The following RGS6 variants were observed in gnomAD, a reference collection of about 807,000 sequenced individuals.
The protein encoded by RGS6 is regulator of G-protein signaling 6.
A neutral mutation model predicts 78.5 loss-of-function variants in RGS6; 30 were observed. The ratio of observed to expected loss-of-function variants is 0.38; its 90% CI spans 0.29 to 0.52. The LOEUF (loss-of-function observed/expected upper bound fraction) is 0.52, where lower values mean the gene tolerates loss of function less well. Ranked by LOEUF, RGS6 falls within the 20% of genes least tolerant of loss-of-function variation. The pLI is 0.85. For missense variants in RGS6, 495 were observed against 609.7 expected (o/e 0.81, Z 1.98); for synonymous variants, 206 against 206.0 (o/e 1.00, Z 0.00).
In RGS6 at chr14:72,562,561, A is replaced by T. The variant is rs2097689794; in HGVS notation, c.*94A>T. 1.3e-6 allele frequency: 2 copies of T among 1,575,386 alleles called. No homozygotes were observed. Among genetic ancestry groups the T allele is most frequent in the South Asian group, 2.3e-5 (2 of 88,014 alleles). Reference sequence around the variant, plus strand: ...GCGGACAGAGTTTCCTTACGAGGAGACTTGGTCACTGTGAAGGAGAAAGAG... The same window carrying T: ...GCGGACAGAGTTTCCTTACGAGGAGTCTTGGTCACTGTGAAGGAGAAAGAG... On this transcript the variant is annotated 3_prime_UTR_variant, in exon 18 of 18. Coordinates refer to ENST00000553525, the MANE Select transcript of RGS6 (RefSeq NM_001204424.2).
chr14:72,336,164 GTGT>G (rs984812356), intron 2 of RGS6, among the ~76,000 whole-genome samples: 1 of 152,182 alleles, frequency 6.6e-6, no homozygotes, highest in African/African-American at 2.4e-5. Flanking sequence ...CTCAAATTGT[GTGT>G]TGTTCTAACT....
chr14:71,970,844 T>C (rs1007751590), intron 2 of RGS6, among the ~76,000 whole-genome samples: 1 of 151,968 alleles, frequency 6.6e-6, no homozygotes, highest in African/African-American at 2.4e-5. Context: ...AGAGGGGTCA[T>C]GTAGTCCATC....
chr14:72,583,827 G>A, the RGS6 span, among the ~76,000 whole-genome samples: 8 of 152,122 alleles, frequency 5.3e-5, no homozygotes, highest in Non-Finnish European at 1.0e-4. Context: ...AAAAATTCTG[G>A]AAGCCCACTC....
chr14:72,405,580 T>C (rs2092843159), intron 3 of RGS6, among the ~76,000 whole-genome samples: 1 of 152,168 alleles, frequency 6.6e-6, no homozygotes, highest in Non-Finnish European at 1.5e-5. Flanking sequence ...GTTGAGCGTT[T>C]AGACATGATG....
chr14:72,206,842 C>A (rs2042835577), intron 2 of RGS6, among the ~76,000 whole-genome samples: 1 of 80,382 alleles, frequency 1.2e-5, no homozygotes, highest in Non-Finnish European at 2.4e-5. Flanking sequence ...CACAGCCAAA[C>A]CATGTCATAT....
intron 2 of RGS6, among the ~76,000 whole-genome samples, chr14:72,005,439 C>CTCTATCTATCTATCTATCTATCTATCTA (rs148163713): frequency 0.03 from 4,290 of 143,590 alleles, 71 homozygotes; most frequent in East Asian, 0.047. Flanking sequence ...ACCTGCATAT[C>CTCTATCTATCTATCTATCTATCTATCTA]TCTATCTATC....
chr14:71,969,873 G>A (rs1178136267), intron 2 of RGS6, among the ~76,000 whole-genome samples: 1 of 152,080 alleles, frequency 6.6e-6, no homozygotes, highest in Non-Finnish European at 1.5e-5. Context: ...TCGTAAATTA[G>A]TACACTTCCC....
chr14:71,910,911 T>C, the RGS6 span, among the ~76,000 whole-genome samples: 4 of 152,172 alleles, frequency 2.6e-5, no homozygotes, highest in African/African-American at 9.7e-5. Context: ...TGTGGATCAA[T>C]GACACCTGAG....
intron 3 of RGS6, among the ~76,000 whole-genome samples, chr14:72,389,481 C>A (rs192455794): frequency 3.3e-5 from 5 of 152,270 alleles, no homozygotes; most frequent in African/African-American, 1.2e-4. Flanking sequence ...GGAAAATTAT[C>A]TGAGTTAATT....
At chr14:71,979,502 T>C (rs1431833181) in intron 2 of RGS6, among the ~76,000 whole-genome samples, 2 of 152,126 alleles carry the variant, frequency 1.3e-5, no homozygotes, top group African/African-American at 4.8e-5. Context: ...TCTTTATTTC[T>C]GCCTTCATTT....
At chr14:72,060,689 G>C (rs934205667) in intron 2 of RGS6, among the ~76,000 whole-genome samples, 3 of 152,172 alleles carry the variant, frequency 2.0e-5, no homozygotes, top group African/African-American at 4.8e-5. Flanking sequence ...TACAAAATTA[G>C]AAGCATTGCC....
At chr14:71,905,438 T>C in the RGS6 span, among the ~76,000 whole-genome samples, 1 of 152,196 alleles carries the variant, frequency 6.6e-6, no homozygotes, top group Non-Finnish European at 1.5e-5. Flanking sequence ...TGAAAATGTA[T>C]ACTTAAACAG....
chr14:72,569,250 T>C (rs1291910510), downstream of RGS6, among the ~76,000 whole-genome samples: 1 of 152,172 alleles, frequency 6.6e-6, no homozygotes, highest in Non-Finnish European at 1.5e-5. Flanking sequence ...TAACCCCCAC[T>C]GAAAATCAAA....
intron 2 of RGS6, among the ~76,000 whole-genome samples, chr14:71,995,608 G>A (rs1249417876): frequency 2.0e-5 from 3 of 152,180 alleles, no homozygotes; most frequent in Non-Finnish European, 4.4e-5. Flanking sequence ...TCGCCTCATA[G>A]GGGTGTTGAG....
At chr14:72,296,303 C>T (rs2064811360) in intron 2 of RGS6, among the ~76,000 whole-genome samples, 1 of 152,160 alleles carries the variant, frequency 6.6e-6, no homozygotes, top group African/African-American at 2.4e-5. Context: ...CATGAAAAGC[C>T]TTGTTCAAGG....
rs906770533 is a variant in RGS6 at position 72,140,834 on chromosome 14, G to A, written c.84+175959G>A. On this transcript the variant is annotated intron_variant, in intron 2 of 17. Transcript: ENST00000553525. ...GAATCTGAGGATGCGGGCAAGCCAG[G>A]CACAGAACTGTGAGGGTCCTTGCAA... Among the ~76,000 whole-genome samples the A allele has an allele frequency of 3.3e-5, 5 of 152,226 alleles. No individual in the cohort carries two copies. The South Asian group carries it at 1.0e-3, about 32-fold the overall frequency.
the RGS6 span, among the ~76,000 whole-genome samples, chr14:71,883,861 G>A: frequency 4.0e-5 from 6 of 151,086 alleles, no homozygotes; most frequent in Non-Finnish European, 8.9e-5. Context: ...CTAAAATGGG[G>A]AAGTATCCTA....
chr14:72,623,578 A>T, the RGS6 span, among the ~76,000 whole-genome samples: 1 of 152,212 alleles, frequency 6.6e-6, no homozygotes, highest in Non-Finnish European at 1.5e-5. Context: ...TCAAATGAGT[A>T]ATTATGTTGG....
At chr14:72,180,494 TCA>T (rs1445256597) in intron 2 of RGS6, among the ~76,000 whole-genome samples, 5 of 152,250 alleles carry the variant, frequency 3.3e-5, no homozygotes, top group African/African-American at 4.8e-5. Context: ...TGAGAAAATC[TCA>T]GTCTTGGGTT....
Sources: gnomAD v4.1 joint callset for allele counts (sites outside exome capture counted in the v4.1 genomes callset) on GRCh38, gnomAD v4.1.1 for gene constraint, MANE v1.5 for transcripts, NCBI Gene and HGNC (gene_info 2026-07-23, HGNC 2026-07-21) for gene names.